Variants in ANK2 observed in about 807,000 individuals in gnomAD.
ANK2 encodes ankyrin 2.
In ANK2, 83 loss-of-function variants were observed where a neutral mutation model predicts 360.5. The ratio of observed to expected loss-of-function variants is 0.23; its 90% CI spans 0.19 to 0.28. The LOEUF is 0.28. Among genes scored for constraint, ANK2 ranks in the 10% least tolerant of loss-of-function variants. ANK2 has a pLI of 1.00. For synonymous variants in ANK2, 1,740 were observed against 1,759.5 expected, an observed-to-expected ratio of 0.99 and a Z score of 0.28; for missense variants, 4,201 against 4,795.7, an observed-to-expected ratio of 0.88 and a Z score of 3.66.
At chr4:113,375,759 G>C (rs1049131160) in intron 45 of ANK2, among the ~76,000 whole-genome samples, 1 of 151,578 alleles carries the variant, frequency 6.6e-6, no homozygotes, top group Admixed American at 6.6e-5. Context: ...AAAGAAAATG[G>C]GTCCACAGTA....
At chr4:112,836,070 G>A (rs2060919776) in intron 1 of ANK2, among the ~76,000 whole-genome samples, 1 of 152,090 alleles carries the variant, frequency 6.6e-6, no homozygotes, top group Non-Finnish European at 1.5e-5. Flanking sequence ...GTTTGGCTTT[G>A]TGTCCCTACC....
At chr4:112,890,989 G>A (rs1485578817) in intron 1 of ANK2, among the ~76,000 whole-genome samples, 2 of 152,200 alleles carry the variant, frequency 1.3e-5, no homozygotes, top group Non-Finnish European at 2.9e-5. Context: ...AAGGGAAACT[G>A]TGTTCCAAAG....
At chr4:113,263,277 TTGTC>T (rs980653227) in intron 13 of ANK2, among the ~76,000 whole-genome samples, 12 of 151,722 alleles carry the variant, frequency 7.9e-5, no homozygotes, top group African/African-American at 2.9e-4. Flanking sequence ...GAAATCATGA[TTGTC>T]TGTCCAGGGA....
At chr4:112,814,256 GA>G (rs2055487980), upstream of ANK2, among the ~76,000 whole-genome samples, 1 of 152,008 alleles carries the variant, frequency 6.6e-6, no homozygotes. Flanking sequence ...ATGAATTTCA[GA>G]AAACAAGTGT....
At chr4:112,705,686 A>G in the ANK2 span, among the ~76,000 whole-genome samples, 2 of 152,230 alleles carry the variant, frequency 1.3e-5, no homozygotes, top group South Asian at 2.1e-4. Flanking sequence ...GAACTCCGGC[A>G]GTCAGTGGTG....
intron 1 of ANK2, among the ~76,000 whole-genome samples, chr4:113,128,273 G>A (rs1327556175): frequency 2.0e-5 from 3 of 152,258 alleles, no homozygotes; most frequent in Non-Finnish European, 4.4e-5. Flanking sequence ...TCTGTAAACT[G>A]AGTTAATAAT....
Position 113,355,213 on chromosome 4 carries a change from G to A in ANK2, c.6595G>A (p.Asp2199Asn), listed in dbSNP as rs2095671488. ...PALSLQSGAL[D>N]GSSESLKNEG... ...TCTGTCTTTACAAAGCGGTGCTTTA[G>A]ATGGCAGTTCTGAAAGCCTAAAGAA... Residue 2199 changes from aspartate to asparagine, a missense_variant, in exon 38 of 46, where the codon GAT becomes AAT. Asp to Asn is a conservative substitution (Grantham distance 23). Coordinates refer to ENST00000357077, the MANE Select transcript of ANK2 (RefSeq NM_001148.6). 3.7e-6 allele frequency: 6 copies of A among 1,614,034 alleles called. No homozygotes were observed. The highest frequency in any genetic ancestry group is 5.1e-6 in the Non-Finnish European group (6 of 1,179,990).
At chr4:112,848,353 G>T (rs1359095248) in intron 1 of ANK2, among the ~76,000 whole-genome samples, 1 of 152,106 alleles carries the variant, frequency 6.6e-6, no homozygotes, top group Non-Finnish European at 1.5e-5. Context: ...GTAGAGACAG[G>T]GTTTCACCAC....
the ANK2 span, among the ~76,000 whole-genome samples, chr4:112,721,541 C>CAAAA: frequency 1.3e-4 from 6 of 46,888 alleles, no homozygotes; most frequent in Admixed American, 3.5e-4. Context: ...GACCCCATCT[C>CAAAA]AAAAAAAAAA....
At chr4:112,727,928 G>A in the ANK2 span, among the ~76,000 whole-genome samples, 1 of 152,264 alleles carries the variant, frequency 6.6e-6, no homozygotes, top group African/African-American at 2.4e-5. Context: ...GGTGAGCCGA[G>A]ATCGCGCCAT....
chr4:113,093,183 G>A (rs2089403610), intron 1 of ANK2, among the ~76,000 whole-genome samples: 2 of 152,004 alleles, frequency 1.3e-5, no homozygotes, highest in African/African-American at 4.8e-5. Flanking sequence ...TTTGTGATAG[G>A]GTGTTCAGGT....
At chr4:113,281,633 G>T (rs29378) in intron 17 of ANK2, among the ~76,000 whole-genome samples, 1,569 of 152,254 alleles carry the variant, frequency 0.01, 32 homozygotes, top group African/African-American at 0.035. Flanking sequence ...GAAGGGAAAA[G>T]CCACTGTTTT....
intron 40 of ANK2, among the ~76,000 whole-genome samples, chr4:113,364,440 G>A (rs187785580): frequency 1.7e-4 from 26 of 152,252 alleles, no homozygotes; most frequent in Admixed American, 6.5e-4. Context: ...CACGATATGC[G>A]TATGAACCGC....
intron 1 of ANK2, among the ~76,000 whole-genome samples, chr4:113,069,279 G>T (rs1441197891): frequency 6.6e-6 from 1 of 152,168 alleles, no homozygotes; most frequent in African/African-American, 2.4e-5. Context: ...TGAGCAATTT[G>T]TTATAAAACA....
chr4:113,269,702 T>C (rs1011263), intron 14 of ANK2, among the ~76,000 whole-genome samples: 110,157 of 147,296 alleles, frequency 0.75, 39,670 homozygotes, highest in South Asian at 0.78. Context: ...GATCTGCAGA[T>C]GGGAGCTGTT....
At chr4:113,093,139 A>G (rs1288986772) in intron 1 of ANK2, among the ~76,000 whole-genome samples, 3 of 152,184 alleles carry the variant, frequency 2.0e-5, no homozygotes, top group Non-Finnish European at 4.4e-5. Context: ...GCAGTAACCA[A>G]TTATTATGCA....
At chr4:113,022,885 C>T (rs1269446719) in intron 2 of ANK2, among the ~76,000 whole-genome samples, 2 of 152,078 alleles carry the variant, frequency 1.3e-5, no homozygotes, top group Non-Finnish European at 2.9e-5. Context: ...GGGGAGATGT[C>T]TCTATTATTG....
chr4:113,347,953 A>G (rs1264914696), intron 35 of ANK2: 2 of 345,866 alleles, frequency 5.8e-6, no homozygotes, highest in South Asian at 8.9e-5. Flanking sequence ...GGATATTATC[A>G]TCACTATTTC....
intron 43 of ANK2, among the ~76,000 whole-genome samples, chr4:113,371,954 A>C (rs2096752889): frequency 6.6e-6 from 1 of 152,232 alleles, no homozygotes; most frequent in Non-Finnish European, 1.5e-5. Flanking sequence ...GAGCCCTAAA[A>C]TACTATTGAC....
Sources: allele counts gnomAD v4.1 joint callset (sites outside exome capture counted in the v4.1 genomes callset), GRCh38; gene constraint gnomAD v4.1.1; transcripts MANE v1.5; gene names NCBI Gene and HGNC (gene_info 2026-07-23, HGNC 2026-07-21).